Variants in INPP5D observed in about 807,000 individuals in gnomAD.
The protein encoded by INPP5D is inositol polyphosphate-5-phosphatase D, also known as phosphatidylinositol 3,4,5-trisphosphate 5-phosphatase 1.
INPP5D carries 33 observed loss-of-function variants against 122.9 expected under a neutral mutation model. That is an observed-to-expected ratio of 0.27 (90% CI 0.20 to 0.36). INPP5D has a LOEUF of 0.36. INPP5D is among the 10% of genes least tolerant of loss of function. The probability of loss-of-function intolerance (pLI) is 1.00; values close to 1 mark genes in which losing one functional copy is unlikely to be tolerated. For missense variants in INPP5D, 1,053 were observed against 1,412.7 expected (o/e 0.75, Z 4.08); for synonymous variants, 584 against 576.2 (o/e 1.01, Z -0.19).
At chr2:233,190,380 G>T (rs1695022426) in intron 22 of INPP5D, among the ~76,000 whole-genome samples, 5 of 152,176 alleles carry the variant, frequency 3.3e-5, no homozygotes, top group Admixed American at 3.3e-4. Flanking sequence ...TCAGCTCACA[G>T]GTCTGGAGCT....
intron 9 of INPP5D, 129 bp from the exon 10 acceptor site, chr2:233,158,184 G>A: frequency 1.7e-6 from 1 of 595,286 alleles, no homozygotes; most frequent in Admixed American, 2.9e-5. Context: ...GGAGCTGGGA[G>A]ACCAGACACA....
chr2:233,097,987 G>C (rs1692195191), intron 2 of INPP5D, among the ~76,000 whole-genome samples: 1 of 152,002 alleles, frequency 6.6e-6, no homozygotes, highest in Admixed American at 6.6e-5. Flanking sequence ...CCAGGTTCGA[G>C]CAATTCTCCC....
At position 233,164,485 on chromosome 2, in the gene INPP5D, A is replaced by G. The variant is rs1017822322; in HGVS notation, c.1555+61A>G. 3 of 1,468,036 alleles carry G rather than the reference A, an allele frequency of 2.0e-6. No homozygotes were observed. Among genetic ancestry groups the G allele is most frequent in the Admixed American group, 2.2e-5 (1 of 45,922 alleles). 90.9% of individuals were successfully genotyped at this position (1,468,036 alleles called of 1,614,324 possible). On this transcript the variant is annotated intron_variant, in intron 13 of 26. Transcript: ENST00000445964. This position sits in a 1 kb window ranked among gnomAD's most constrained non-coding sequence, Gnocchi z 4.3. ...CCTCTGCCTCAACTCTCGCGACCAC[A>G]TCATCCTGATCCCACCAGTAGTTCC...
At chr2:233,114,295 C>A (rs1049642093) in intron 2 of INPP5D, among the ~76,000 whole-genome samples, 1 of 152,248 alleles carries the variant, frequency 6.6e-6, no homozygotes, top group African/African-American at 2.4e-5. Context: ...CTTTCTCCCC[C>A]ACTTCTTCAC....
intron 2 of INPP5D, among the ~76,000 whole-genome samples, chr2:233,089,452 C>G (rs555754023): frequency 3.3e-5 from 5 of 152,324 alleles, no homozygotes; most frequent in African/African-American, 1.2e-4. Context: ...CATGCTGTGG[C>G]TCTGTGCCCT....
At chr2:233,152,778 G>A (rs1693952769) in intron 9 of INPP5D, among the ~76,000 whole-genome samples, 1 of 152,186 alleles carries the variant, frequency 6.6e-6, no homozygotes, top group South Asian at 2.1e-4. Flanking sequence ...GCTGGACAGG[G>A]GCCAGGCATG....
Position 233,164,526 on chromosome 2 carries a change from A to T in INPP5D, c.1555+102A>T, listed in dbSNP as rs1694278802. The T allele has an allele frequency of 7.2e-7, 1 of 1,393,378 alleles. No individual in the cohort carries two copies. Among genetic ancestry groups the T allele is most frequent in the Admixed American group, 2.5e-5 (1 of 39,834 alleles). The allele number at this position is 1,393,378 out of a possible 1,614,324, so 86.3% of individuals were successfully genotyped here. A position where few individuals can be genotyped will look rare whatever the true frequency, so the allele number is the denominator to read the frequency against. ...CAGTAGTTCCCCGGGTTAAAAACAG[A>T]GAGCCTCACATCCTCAGATCCTGGC... On this transcript the variant is annotated intron_variant, in intron 13 of 26. Coordinates refer to ENST00000445964, the MANE Select transcript of INPP5D (RefSeq NM_001017915.3). This position sits in a 1 kb window ranked among gnomAD's most constrained non-coding sequence, Gnocchi z 4.3.
rs528595925 is a variant in INPP5D, at chr2:233,085,007, T to G, written c.198+5609T>G. 1.4e-3 allele frequency among the ~76,000 whole-genome samples: 206 copies of G among 152,356 alleles called. 1 individual carries two copies. The highest frequency in any genetic ancestry group is 4.6e-3 in the African/African-American group (190 of 41,576). ...AAAACATCTTTAGTTGTCTACACAT[T>G]CAAGAGTAATTTGATAGATATAAAA... On this transcript the variant is annotated intron_variant, in intron 2 of 26. Coordinates refer to ENST00000445964, the MANE Select transcript of INPP5D (RefSeq NM_001017915.3).
intron 14 of INPP5D, 168 bp from the exon 15 acceptor site, chr2:233,169,858 A>T (rs1481036701): frequency 7.6e-6 from 10 of 1,319,454 alleles, no homozygotes; most frequent in Non-Finnish European, 1.0e-5. Context: ...TGGCTGTGCC[A>T]TATTTGCACA....
chr2:233,156,446 C>T (rs376348740), intron 9 of INPP5D, among the ~76,000 whole-genome samples: 9 of 152,210 alleles, frequency 5.9e-5, no homozygotes, highest in Non-Finnish European at 8.8e-5. Flanking sequence ...CCCGCCACCA[C>T]GCCTGGCTAA....
intron 4 of INPP5D, 83 bp downstream of exon 4, chr2:233,126,002 C>A: frequency 7.4e-7 from 1 of 1,357,942 alleles, no homozygotes; most frequent in Admixed American, 2.3e-5. Flanking sequence ...GGTTTCGATC[C>A]TAGTTATGGG....
chr2:233,186,830 C>T (rs1694935144), intron 21 of INPP5D, among the ~76,000 whole-genome samples: 1 of 148,708 alleles, frequency 6.7e-6, no homozygotes, highest in Non-Finnish European at 1.5e-5. Flanking sequence ...TCAAGCGATT[C>T]TCCTGCCTCA....
At chr2:233,072,070 A>G (rs1310053565) in intron 1 of INPP5D, among the ~76,000 whole-genome samples, 2 of 152,228 alleles carry the variant, frequency 1.3e-5, no homozygotes, top group Non-Finnish European at 2.9e-5. Context: ...AAAAGAAAAC[A>G]TCCACCTCAA....
chr2:233,110,897 C>G (rs1376026584), intron 2 of INPP5D, among the ~76,000 whole-genome samples: 1 of 151,736 alleles, frequency 6.6e-6, no homozygotes, highest in Non-Finnish European at 1.5e-5. Context: ...TGCACTCCAG[C>G]CTGGGCGACA....
At chr2:233,131,941 G>C (rs576226091) in intron 5 of INPP5D, among the ~76,000 whole-genome samples, 2 of 152,144 alleles carry the variant, frequency 1.3e-5, no homozygotes, top group African/African-American at 4.8e-5. Context: ...TTAAAAGCAC[G>C]ATCAGTACAT....
chr2:233,109,206 C>T (rs1692545301), intron 2 of INPP5D, among the ~76,000 whole-genome samples: 1 of 152,240 alleles, frequency 6.6e-6, no homozygotes, highest in African/African-American at 2.4e-5. Context: ...CCACCTCCAT[C>T]CTGCAGCCCC....
intron 2 of INPP5D, among the ~76,000 whole-genome samples, chr2:233,094,392 A>G (rs1054910719): frequency 1.3e-5 from 2 of 151,632 alleles, no homozygotes; most frequent in African/African-American, 4.9e-5. Flanking sequence ...GCATGCCTGT[A>G]GTCCCAGCTA....
chr2:233,069,896 T>A (rs545558085), intron 1 of INPP5D, among the ~76,000 whole-genome samples: 1 of 152,324 alleles, frequency 6.6e-6, no homozygotes, highest in South Asian at 2.1e-4. Flanking sequence ...AGGCTCTTGA[T>A]ACAGAATGAT....
intron 2 of INPP5D, among the ~76,000 whole-genome samples, chr2:233,119,246 T>A (rs146437733): frequency 2.0e-5 from 3 of 152,354 alleles, no homozygotes; most frequent in African/African-American, 7.2e-5. Flanking sequence ...GATTCACACA[T>A]GAGGCGTTCA....
Sources: allele counts gnomAD v4.1 joint callset (sites outside exome capture counted in the v4.1 genomes callset), GRCh38; gene constraint gnomAD v4.1.1; non-coding constraint Gnocchi (gnomAD v3.1); transcripts MANE v1.5; gene names NCBI Gene and HGNC (gene_info 2026-07-23, HGNC 2026-07-21).